CFAP54: variants seen among roughly 807,000 people sequenced by gnomAD.
CFAP54 encodes cilia- and flagella-associated protein 54.
CFAP54 carries 290 observed loss-of-function variants against 370.4 expected under a neutral mutation model. The ratio of observed to expected loss-of-function variants is 0.78; its 90% CI spans 0.71 to 0.86. The LOEUF (loss-of-function observed/expected upper bound fraction) is 0.86, where lower values mean the gene tolerates loss of function less well. CFAP54 is among the 40% of genes least tolerant of loss of function. CFAP54 has a pLI of 0.00. For missense variants in CFAP54, 3,399 were observed against 3,528.7 expected (o/e 0.96, Z 0.93); for synonymous variants, 1,206 against 1,236.5 (o/e 0.98, Z 0.52).
At chr12:96,660,018 G>A (rs1956974410) in intron 38 of CFAP54, among the ~76,000 whole-genome samples, 1 of 152,234 alleles carries the variant, frequency 6.6e-6, no homozygotes, top group Non-Finnish European at 1.5e-5. Context: ...AAACAGATGA[G>A]TAGAAAGACT....
chr12:96,516,355 CTAAA>C (rs1265757811), intron 5 of CFAP54, among the ~76,000 whole-genome samples: 1 of 152,132 alleles, frequency 6.6e-6, no homozygotes, highest in African/African-American at 2.4e-5. Flanking sequence ...TGTCTGTTGA[CTAAA>C]TAGAATCCCG....
At chr12:96,589,306 G>A (rs1172919904) in intron 22 of CFAP54, 121 bp from the exon 23 acceptor site, 1 of 798,190 alleles carries the variant, frequency 1.3e-6, no homozygotes, top group East Asian at 2.7e-5. Flanking sequence ...GATTGTATCT[G>A]AAATGAGCGT....
At chr12:96,639,312 TG>T in intron 32 of CFAP54, among the ~76,000 whole-genome samples, 1 of 152,284 alleles carries the variant, frequency 6.6e-6, no homozygotes, top group Non-Finnish European at 1.5e-5. Flanking sequence ...TCTATGCAAA[TG>T]AACTAGAAAA....
intron 50 of CFAP54, among the ~76,000 whole-genome samples, chr12:96,737,279 T>G (rs1380534465): frequency 6.6e-6 from 1 of 152,070 alleles, no homozygotes; most frequent in Non-Finnish European, 1.5e-5. Context: ...TCTATAACCT[T>G]GTAGACTTGT....
intron 14 of CFAP54, among the ~76,000 whole-genome samples, chr12:96,542,289 G>C (rs938237133): frequency 2.0e-5 from 3 of 152,176 alleles, no homozygotes; most frequent in Admixed American, 6.5e-5. Flanking sequence ...CAAGGCCCAA[G>C]CTCTGTCCTA....
intron 29 of CFAP54, among the ~76,000 whole-genome samples, chr12:96,626,159 A>G (rs1404131857): frequency 6.6e-6 from 1 of 152,094 alleles, no homozygotes; most frequent in Non-Finnish European, 1.5e-5. Flanking sequence ...CAAGGCAGGC[A>G]GATCACCTGA....
chr12:96,751,496 T>C (rs1353892730), intron 55 of CFAP54, among the ~76,000 whole-genome samples: 2 of 152,120 alleles, frequency 1.3e-5, no homozygotes, highest in Non-Finnish European at 2.9e-5. Context: ...ATAAACTGTA[T>C]AGTACTAATA....
chr12:96,825,519 ATAT>A (rs1394241748), intron 65 of CFAP54, among the ~76,000 whole-genome samples: 5 of 115,780 alleles, frequency 4.3e-5, no homozygotes, highest in East Asian at 3.0e-4. Flanking sequence ...ATTATATAAC[ATAT>A]TATATATTAT....
At chr12:96,579,875 T>A (rs10735347) in intron 20 of CFAP54, among the ~76,000 whole-genome samples, 137,185 of 151,744 alleles carry the variant, frequency 0.9, 62,165 homozygotes, top group East Asian at 0.96. Context: ...TCTAATGTTT[T>A]TATTTAAAAT....
intron 63 of CFAP54, among the ~76,000 whole-genome samples, chr12:96,794,463 T>G (rs1486790755): frequency 6.6e-6 from 1 of 151,584 alleles, no homozygotes; most frequent in Non-Finnish European, 1.5e-5. Flanking sequence ...CTTTGTTGGA[T>G]TGGGTTAATT....
At chr12:96,567,012 G>A (rs1955870640) in intron 19 of CFAP54, among the ~76,000 whole-genome samples, 1 of 152,172 alleles carries the variant, frequency 6.6e-6, no homozygotes, top group Non-Finnish European at 1.5e-5. Context: ...TAACAGGGGA[G>A]TACCTAACTC....
At chr12:96,505,294 C>T (rs2136352024) in intron 3 of CFAP54, among the ~76,000 whole-genome samples, 2 of 151,986 alleles carry the variant, frequency 1.3e-5, no homozygotes, top group Middle Eastern at 3.4e-3. Context: ...AAACTCCTGA[C>T]CTCATGATCC....
chr12:96,703,408 A>T (rs555368666), intron 46 of CFAP54, among the ~76,000 whole-genome samples: 6 of 152,190 alleles, frequency 3.9e-5, no homozygotes, highest in Non-Finnish European at 7.3e-5. Flanking sequence ...AGCTACAGGT[A>T]CTTGAGTAGG....
chr12:96,594,456 T>C lies in CFAP54; in HGVS notation c.3516+10T>C. 4 of 1,491,202 alleles carry C rather than the reference T, an allele frequency of 2.7e-6. No homozygotes were observed. The highest frequency in any genetic ancestry group is 3.6e-6 in the Non-Finnish European group (4 of 1,116,356). 92.4% of individuals were successfully genotyped at this position (1,491,202 alleles called of 1,614,324 possible). On this transcript the variant is annotated intron_variant, in intron 25 of 67. Transcript: ENST00000524981. ...GGTACCTGTTGTACAGGTAAGGGTA[T>C]TCCTCTCCCCAAGAGAAGGGAATCT...
Position 96,784,812 on chromosome 12 carries a change from A to C in CFAP54, c.8377A>C (p.Lys2793Gln). ...AGATGGTAGAAAAAAGACTCAGACC[A>C]AAGTGGATATTACATGGATCCTTCT... ...SADGRKKTQT[K>Q]VDITWILLLR... Residue 2793 changes from lysine (K) to glutamine (Q), a missense_variant, in exon 61 of 68, where the codon AAA becomes CAA. Around this residue, in one of 3 missense-constraint regions of CFAP54, gnomAD observed 2,796 missense variants for 2,869.7 expected, o/e 0.97. Transcript: ENST00000524981. 1 of 1,534,944 alleles carries C rather than the reference A, an allele frequency of 6.5e-7. No homozygotes were observed. The highest frequency in any genetic ancestry group is 2.4e-5 in the East Asian group (1 of 40,820).
intron 39 of CFAP54, among the ~76,000 whole-genome samples, chr12:96,673,134 ATAAT>A (rs1185669599): frequency 1.3e-5 from 2 of 152,240 alleles, no homozygotes; most frequent in Non-Finnish European, 2.9e-5. Flanking sequence ...AATGACAGTA[ATAAT>A]TTATTGAGCT....
intron 1 of CFAP54, among the ~76,000 whole-genome samples, chr12:96,492,856 T>A (rs1215341832): frequency 6.6e-6 from 1 of 151,864 alleles, no homozygotes; most frequent in Non-Finnish European, 1.5e-5. Flanking sequence ...TAGCCGGGCG[T>A]GGTGGTGTGT....
intron 1 of CFAP54, among the ~76,000 whole-genome samples, chr12:96,498,958 T>A (rs11108548): frequency 0.1 from 15,259 of 152,182 alleles, 1,254 homozygotes; most frequent in East Asian, 0.45. Flanking sequence ...TTTACTTTTT[T>A]AAATATTTTT....
intron 65 of CFAP54, among the ~76,000 whole-genome samples, chr12:96,819,308 G>C (rs1247977328): frequency 6.6e-6 from 1 of 152,142 alleles, no homozygotes; most frequent in African/African-American, 2.4e-5. Flanking sequence ...AGGGAAAGAA[G>C]GGGCACATTA....
Sources: allele counts gnomAD v4.1 joint callset (sites outside exome capture counted in the v4.1 genomes callset), GRCh38; gene constraint gnomAD v4.1.1; regional missense constraint gnomAD v4.1.1; transcripts MANE v1.5; gene names NCBI Gene and HGNC (gene_info 2026-07-23, HGNC 2026-07-21).